The following WWC2 variants were observed in gnomAD, a reference collection of about 807,000 sequenced individuals.
WWC2 encodes WW and C2 domain containing 2.
A neutral mutation model predicts 138.5 loss-of-function variants in WWC2; 101 were observed. The ratio of observed to expected loss-of-function variants is 0.73; its 90% CI spans 0.62 to 0.86. The LOEUF (loss-of-function observed/expected upper bound fraction) is 0.86. WWC2 is among the 40% of genes least tolerant of loss of function. WWC2 has a pLI of 0.00. For missense variants in WWC2, 1,420 were observed against 1,419.4 expected (o/e 1.00, Z -0.01); for synonymous variants, 558 against 538.4 (o/e 1.04, Z -0.50).
Position 183,180,805 on chromosome 4 carries a change from A to T in WWC2, c.132-12794A>T, listed in dbSNP as rs1399722782. 1.7e-4 allele frequency among the ~76,000 whole-genome samples: 23 copies of T among 134,856 alleles called. No individual in the cohort carries two copies. The Admixed American group carries it at 1.8e-3, about 11-fold the overall frequency. 88.5% of individuals were successfully genotyped at this position (134,856 alleles called of 152,430 possible). On this transcript the variant is annotated intron_variant, in intron 1 of 22. Transcript: ENST00000403733. ...GTAAATCTGTAGGGACAGGAAGTAG[A>T]TGAGTGGCTGCCTGGGGCGGGGGCG... is the stretch of plus-strand genomic sequence containing the variant.
At chr4:183,205,845 C>T (rs1735431784) in intron 2 of WWC2, among the ~76,000 whole-genome samples, 1 of 152,036 alleles carries the variant, frequency 6.6e-6, no homozygotes, top group African/African-American at 2.4e-5. Flanking sequence ...CCTGTGTGAG[C>T]TCGGGGAATT....
At chr4:183,180,997 T>C (rs10008614) in intron 1 of WWC2, among the ~76,000 whole-genome samples, 149,748 of 152,354 alleles carry the variant, frequency 0.98, 73,641 homozygotes, top group Middle Eastern at 1. Context: ...GACTTTAAAA[T>C]TTATCAAAAC....
chr4:183,211,786 C>T (rs187831007), intron 4 of WWC2, among the ~76,000 whole-genome samples: 3 of 152,014 alleles, frequency 2.0e-5, no homozygotes, highest in Admixed American at 6.6e-5. Flanking sequence ...AGAAACAGTG[C>T]GATGTTTGGA....
chr4:183,313,340 T>C (rs925461165), intron 22 of WWC2, among the ~76,000 whole-genome samples: 18 of 152,072 alleles, frequency 1.2e-4, no homozygotes, highest in African/African-American at 4.1e-4. Flanking sequence ...ATGGGTTTTA[T>C]GTAGGGCAGA....
intron 7 of WWC2, among the ~76,000 whole-genome samples, 155 bp downstream of exon 7, chr4:183,249,015 T>C (rs1736886563): frequency 6.6e-6 from 1 of 152,148 alleles, no homozygotes; most frequent in Non-Finnish European, 1.5e-5. Flanking sequence ...TTAAAAATCA[T>C]AGCCTTATCT....
At chr4:183,155,108 A>G (rs7659949) in intron 1 of WWC2, among the ~76,000 whole-genome samples, 149,267 of 152,070 alleles carry the variant, frequency 0.98, 73,311 homozygotes, top group Middle Eastern at 1. Context: ...CATGAAGGAA[A>G]AAATTAGAAA....
chr4:183,293,783 A>C (rs1470194487), intron 21 of WWC2, among the ~76,000 whole-genome samples: 2 of 152,202 alleles, frequency 1.3e-5, no homozygotes, highest in Admixed American at 6.5e-5. Flanking sequence ...TATTTACACC[A>C]ACCAGAAACA....
chr4:183,215,677 T>C (rs1015241878), intron 4 of WWC2, among the ~76,000 whole-genome samples: 17 of 152,224 alleles, frequency 1.1e-4, no homozygotes, highest in Admixed American at 8.5e-4. Context: ...GGCCTCCTTT[T>C]CTAGCTTTGA....
chr4:183,160,473 T>C (rs1034710035), intron 1 of WWC2, among the ~76,000 whole-genome samples: 1 of 152,208 alleles, frequency 6.6e-6, no homozygotes, highest in African/African-American at 2.4e-5. Context: ...ATGAACCATA[T>C]TGAATCAGTC....
In WWC2 at chr4:183,230,419, G is replaced by A. The variant is rs972097043; in HGVS notation, c.523-9764G>A. ...CAGCTGAGCACAGTGGCTCACACCT[G>A]TAATCCCAGCACTTTGGGAGGCCAA... On this transcript the variant is annotated intron_variant, in intron 4 of 22. Coordinates refer to ENST00000403733, the MANE Select transcript of WWC2 (RefSeq NM_024949.6). Among the ~76,000 whole-genome samples, 5 of 152,236 alleles carry A rather than the reference G, an allele frequency of 3.3e-5. No individual in the cohort carries two copies. The East Asian group carries it at 9.6e-4, about 29-fold the overall frequency.
intron 1 of WWC2, among the ~76,000 whole-genome samples, chr4:183,180,725 T>G (rs1382621162): frequency 2.8e-5 from 4 of 145,238 alleles, no homozygotes; most frequent in African/African-American, 1.0e-4. Context: ...TGATAGAAGC[T>G]AGACACAAGA....
intron 1 of WWC2, among the ~76,000 whole-genome samples, chr4:183,178,156 A>G (rs1220152252): frequency 6.6e-6 from 1 of 152,190 alleles, no homozygotes; most frequent in East Asian, 1.9e-4. Flanking sequence ...ATACTGAAAT[A>G]ACACCAACCT....
At chr4:183,275,631 C>T (rs1277453926) in intron 16 of WWC2, among the ~76,000 whole-genome samples, 4 of 151,976 alleles carry the variant, frequency 2.6e-5, no homozygotes, top group Non-Finnish European at 5.9e-5. Context: ...TTAAACCAAC[C>T]CTGCATTCCT....
At chr4:183,313,075 G>A (rs1446248329) in intron 22 of WWC2, among the ~76,000 whole-genome samples, 1 of 152,144 alleles carries the variant, frequency 6.6e-6, no homozygotes, top group East Asian at 1.9e-4. Flanking sequence ...TGGAAGGATG[G>A]CTGCAAGCTC....
intron 1 of WWC2, among the ~76,000 whole-genome samples, chr4:183,106,016 G>A (rs1272669094): frequency 1.3e-5 from 2 of 148,232 alleles, no homozygotes; most frequent in African/African-American, 5.0e-5. Flanking sequence ...TTTTATTCTT[G>A]TTGCCCAGGC....
At chr4:183,135,147 G>C (rs1376520664) in intron 1 of WWC2, among the ~76,000 whole-genome samples, 2 of 152,006 alleles carry the variant, frequency 1.3e-5, no homozygotes, top group East Asian at 3.9e-4. Context: ...TCGAACTCCT[G>C]ACCTCAGGTG....
At chr4:183,102,371 A>C (rs796560769) in intron 1 of WWC2, among the ~76,000 whole-genome samples, 2 of 152,316 alleles carry the variant, frequency 1.3e-5, no homozygotes, top group African/African-American at 4.8e-5. Flanking sequence ...GTATTTACTC[A>C]GTGTGTATTG....
intron 1 of WWC2, among the ~76,000 whole-genome samples, chr4:183,172,624 G>A (rs1734328821): frequency 6.9e-6 from 1 of 145,628 alleles, no homozygotes; most frequent in Admixed American, 7.1e-5. Context: ...CCTCTCTGAA[G>A]TTTTTGGGTT....
At chr4:183,167,859 A>ATT (rs11389702) in intron 1 of WWC2, among the ~76,000 whole-genome samples, 8,819 of 141,466 alleles carry the variant, frequency 0.062, 875 homozygotes, top group African/African-American at 0.21. Flanking sequence ...GAAGTTTGTG[A>ATT]TTTTTTTTTT....
Sources: allele counts gnomAD v4.1 joint callset (sites outside exome capture counted in the v4.1 genomes callset), GRCh38; gene constraint gnomAD v4.1.1; transcripts MANE v1.5; gene names NCBI Gene and HGNC (gene_info 2026-07-23, HGNC 2026-07-21).